The following ADCY2 variants were observed in gnomAD, a reference collection of about 807,000 sequenced individuals.
ADCY2 encodes adenylate cyclase type 2.
In ADCY2, 31 loss-of-function variants were observed where a neutral mutation model predicts 125.2. The observed-to-expected ratio is 0.25, with a 90% confidence interval of 0.19 to 0.33. The LOEUF is 0.33. Ranked by LOEUF, ADCY2 falls within the 10% of genes least tolerant of loss-of-function variation. ADCY2 has a pLI of 1.00. For synonymous variants in ADCY2, 512 were observed against 548.4 expected, an observed-to-expected ratio of 0.93 and a Z score of 0.93; for missense variants, 904 against 1,418.2, an observed-to-expected ratio of 0.64 and a Z score of 5.82.
chr5:7,817,482 G>C (rs1745153849), intron 23 of ADCY2, among the ~76,000 whole-genome samples: 1 of 152,066 alleles, frequency 6.6e-6, no homozygotes, highest in African/African-American at 2.4e-5. Flanking sequence ...TTCCGATTGT[G>C]TTCAAATCCT....
intron 4 of ADCY2, among the ~76,000 whole-genome samples, chr5:7,655,951 T>C (rs1739308306): frequency 6.6e-6 from 1 of 152,076 alleles, no homozygotes; most frequent in Non-Finnish European, 1.5e-5. Flanking sequence ...CTGTGTCCTG[T>C]AAAATAAGGG....
At chr5:7,477,239 ATCAAGAGACAGAAAATAT>A (rs1293436598) in intron 2 of ADCY2, among the ~76,000 whole-genome samples, 1 of 152,202 alleles carries the variant, frequency 6.6e-6, no homozygotes, top group African/African-American at 2.4e-5. Context: ...GCCAGGCTAA[ATCAAGAGACAGAAAATAT>A]TGAATTTTTA....
chr5:7,813,744 C>T (rs996480849), intron 22 of ADCY2, among the ~76,000 whole-genome samples: 2 of 152,192 alleles, frequency 1.3e-5, no homozygotes, highest in Non-Finnish European at 2.9e-5. Context: ...TCTTTTATTA[C>T]TGACGTCACT....
intron 3 of ADCY2, among the ~76,000 whole-genome samples, chr5:7,582,576 A>G (rs1436503337): frequency 6.6e-6 from 1 of 152,178 alleles, no homozygotes; most frequent in Non-Finnish European, 1.5e-5. Flanking sequence ...TATTTTGACC[A>G]TATTAAGTTT....
At chr5:7,686,481 A>T (rs1195438777) in intron 4 of ADCY2, among the ~76,000 whole-genome samples, 1 of 152,262 alleles carries the variant, frequency 6.6e-6, no homozygotes, top group East Asian at 1.9e-4. Flanking sequence ...AGGGCAAGTT[A>T]TTAATCAGAT....
chr5:7,704,606 G>A (rs1450938018), intron 7 of ADCY2, among the ~76,000 whole-genome samples: 3 of 152,244 alleles, frequency 2.0e-5, no homozygotes, highest in Middle Eastern at 3.4e-3. Context: ...TTGGCCGGGC[G>A]CGGTGGGTCA....
chr5:7,482,062 C>G (rs10475373), intron 2 of ADCY2, among the ~76,000 whole-genome samples: 48,722 of 151,966 alleles, frequency 0.32, 8,633 homozygotes, highest in East Asian at 0.53. Context: ...AAGTCTGTCA[C>G]TATGTGTATT....
chr5:7,622,370 C>T (rs1038624732), intron 3 of ADCY2, among the ~76,000 whole-genome samples: 2 of 152,048 alleles, frequency 1.3e-5, no homozygotes, highest in Non-Finnish European at 2.9e-5. Context: ...AGGATGAAAC[C>T]GGGTATCAGG....
At position 7,596,815 on chromosome 5, in the gene ADCY2, A is replaced by T. The variant is rs1004985743; in HGVS notation, c.571-29352A>T. Among the ~76,000 whole-genome samples, 4 of 152,232 alleles carry T rather than the reference A, an allele frequency of 2.6e-5. No individual in the cohort carries two copies. The South Asian group carries it at 8.3e-4, about 32-fold the overall frequency. On this transcript the variant is annotated intron_variant, in intron 3 of 24. Coordinates refer to ENST00000338316, the MANE Select transcript of ADCY2 (RefSeq NM_020546.3). ...ACTCATGGAATTAGATGCCACAGAC[A>T]ATGTAATCTCAAGGTTGGGGCCTAT...
At chr5:7,792,973 G>A (rs1361561419) in intron 20 of ADCY2, among the ~76,000 whole-genome samples, 3 of 152,316 alleles carry the variant, frequency 2.0e-5, no homozygotes, top group Non-Finnish European at 2.9e-5. Context: ...GGTGGGATAC[G>A]CATGAGAGGG....
At chr5:7,822,594 C>G (rs1203147096) in intron 24 of ADCY2, among the ~76,000 whole-genome samples, 1 of 152,216 alleles carries the variant, frequency 6.6e-6, no homozygotes, top group Non-Finnish European at 1.5e-5. Context: ...AATCTGCCTT[C>G]CAGTGAGCTC....
rs57381383 is a variant in ADCY2 at position 7,512,218 on chromosome 5, CAAAAAAAA to C, written c.409-8505_409-8498del. On this transcript the variant is annotated intron_variant, in intron 2 of 24. Coordinates refer to ENST00000338316, the MANE Select transcript of ADCY2 (RefSeq NM_020546.3). ...CCTGGGCAGTAGAGCATGACTCCAT[CAAAAAAAA>C]AAAAAAAAAAAAAAGAAAACCATCA... is the stretch of plus-strand genomic sequence containing the variant. Among the ~76,000 whole-genome samples, 8 of 57,916 alleles carry C rather than the reference CAAAAAAAA, an allele frequency of 1.4e-4. 1 individual carries two copies. Among genetic ancestry groups the C allele is most frequent in the East Asian group, 1.5e-3 (2 of 1,336 alleles). 38.0% of individuals were successfully genotyped at this position (57,916 alleles called of 152,430 possible). A position where few individuals can be genotyped will look rare whatever the true frequency, so the allele number is the denominator to read the frequency against.
At chr5:7,446,725 T>A (rs1340066435) in intron 2 of ADCY2, among the ~76,000 whole-genome samples, 2 of 152,194 alleles carry the variant, frequency 1.3e-5, no homozygotes, top group Admixed American at 6.5e-5. Context: ...GAACACACAG[T>A]TGGATCCATA....
chr5:7,516,052 G>C (rs186805793), intron 2 of ADCY2, among the ~76,000 whole-genome samples: 54 of 152,180 alleles, frequency 3.5e-4, no homozygotes, highest in African/African-American at 1.1e-3. Flanking sequence ...AATGCTATCT[G>C]GATTAGAGAA....
intron 3 of ADCY2, among the ~76,000 whole-genome samples, chr5:7,549,032 A>C (rs537769955): frequency 3.0e-4 from 45 of 152,320 alleles, no homozygotes; most frequent in African/African-American, 1.1e-3. Flanking sequence ...AAAACAAGTT[A>C]GAAAGACATT....
At chr5:7,725,574 C>T (rs1373284334) in intron 13 of ADCY2, among the ~76,000 whole-genome samples, 1 of 152,120 alleles carries the variant, frequency 6.6e-6, no homozygotes, top group African/African-American at 2.4e-5. Flanking sequence ...TAATGCACAA[C>T]TATTGACCAC....
chr5:7,730,465 A>G (rs1042309922), intron 14 of ADCY2, among the ~76,000 whole-genome samples: 2 of 152,198 alleles, frequency 1.3e-5, no homozygotes, highest in African/African-American at 4.8e-5. Flanking sequence ...ATTCTTTACC[A>G]ATTAATTTGC....
At chr5:7,416,314 G>A (rs1401808968) in intron 2 of ADCY2, among the ~76,000 whole-genome samples, 1 of 152,164 alleles carries the variant, frequency 6.6e-6, no homozygotes, top group Non-Finnish European at 1.5e-5. Context: ...CACAAGACCC[G>A]GCGGGCGCCA....
chr5:7,726,116 G>A (rs1015267086), intron 13 of ADCY2, among the ~76,000 whole-genome samples: 1 of 152,208 alleles, frequency 6.6e-6, no homozygotes, highest in Non-Finnish European at 1.5e-5. Context: ...AAATACATAT[G>A]TGTCCCTATA....
Sources: allele counts gnomAD v4.1 joint callset (sites outside exome capture counted in the v4.1 genomes callset), GRCh38; gene constraint gnomAD v4.1.1; transcripts MANE v1.5; gene names NCBI Gene and HGNC (gene_info 2026-07-23, HGNC 2026-07-21).